POLRMT: variants seen among roughly 807,000 people sequenced by gnomAD.
POLRMT encodes the protein DNA-directed RNA polymerase, mitochondrial.
Under a neutral mutation model 132.2 loss-of-function variants are expected in POLRMT, and 114 were observed. The observed-to-expected ratio is 0.86, with a 90% CI of 0.74 to 1.01. POLRMT has a LOEUF of 1.01. Among genes scored for constraint, POLRMT ranks in the 50% least tolerant of loss-of-function variants. The pLI is 0.00. For synonymous variants in POLRMT, 1,020 were observed against 773.4 expected, an observed-to-expected ratio of 1.32 and a Z score of -5.29; for missense variants, 2,003 against 1,729.1, an observed-to-expected ratio of 1.16 and a Z score of -2.81.
At chr19:625,579 C>T (rs1370946263) in intron 3 of POLRMT, 2 of 257,302 alleles carry the variant, frequency 7.8e-6, no homozygotes, top group Non-Finnish European at 1.5e-5. Context: ...GCTGTTTCTG[C>T]CTTCCATTTC....
chr19:631,975 A>G (rs1213900331), intron 2 of POLRMT, among the ~76,000 whole-genome samples: 2 of 152,146 alleles, frequency 1.3e-5, no homozygotes, highest in East Asian at 1.9e-4. Flanking sequence ...GTGTTTCACC[A>G]TGTTGGCCAG....
At chr19:624,966 C>T in intron 4 of POLRMT, 61 bp from the exon 5 acceptor site, 1 of 1,552,152 alleles carries the variant, frequency 6.4e-7, no homozygotes, top group South Asian at 1.2e-5. Context: ...TCCACAGACC[C>T]CAGGGGAACC....
chr19:630,261 G>T, intron 2 of POLRMT, 93 bp from the exon 3 acceptor site: 1 of 1,435,636 alleles, frequency 7.0e-7, no homozygotes, highest in South Asian at 1.4e-5. Context: ...GGAGGTGCAG[G>T]TGGCTGAGCT....
At chr19:623,093 T>C (rs1014594931) in intron 6 of POLRMT, 108 bp from the exon 7 acceptor site, 6 of 1,345,100 alleles carry the variant, frequency 4.5e-6, no homozygotes, top group Non-Finnish European at 6.0e-6. Context: ...GCCCTCAAGG[T>C]CCCTGCTGTG....
chr19:626,401 G>A (rs918862952), intron 3 of POLRMT, among the ~76,000 whole-genome samples: 26 of 151,392 alleles, frequency 1.7e-4, no homozygotes, highest in South Asian at 4.2e-4. Context: ...GGATCCACCC[G>A]CCTCGGCCTC....
At chr19:619,814 A>G (rs780427879) in intron 12 of POLRMT, 49 bp from the exon 13 acceptor site, 2 of 1,550,152 alleles carry the variant, frequency 1.3e-6, no homozygotes, top group African/African-American at 1.4e-5. Flanking sequence ...CTAGCAGCCC[A>G]GGGGCCACCA....
At chr19:626,897 A>ACACACACACACACACACG (rs1055687543) in intron 3 of POLRMT, among the ~76,000 whole-genome samples, 1 of 142,798 alleles carries the variant, frequency 7.0e-6, no homozygotes, top group African/African-American at 2.6e-5. Context: ...ACACACACAC[A>ACACACACACACACACACG]CATATATATA....
Position 621,169 on chromosome 19 carries a change from G to A in POLRMT, c.2529C>T (p.Ile843=). ...LGPHGLDWLK[I]HLVNLTGLKK... is the part of the protein sequence containing the mutation. ...TCAACCCCGTGAGATTGACCAGGTG[G>A]ATCTTGAGCCAATCCAGGCCGTGCG... The change falls in exon 10 of 21, where the codon ATC becomes ATT. Residue 843 remains isoleucine (I), a synonymous_variant. Transcript: ENST00000588649. 1 of 1,610,884 alleles carries A rather than the reference G, an allele frequency of 6.2e-7. No homozygotes were observed. The highest frequency in any genetic ancestry group is 8.5e-7 in the Non-Finnish European group (1 of 1,178,674).
At chr19:630,739 C>A (rs147846610) in intron 2 of POLRMT, among the ~76,000 whole-genome samples, 1 of 152,328 alleles carries the variant, frequency 6.6e-6, no homozygotes, top group South Asian at 2.1e-4. Context: ...AGTGTCTACA[C>A]CGGTGGACGC....
intron 10 of POLRMT, 105 bp from the exon 11 acceptor site, chr19:620,592 C>T: frequency 2.2e-6 from 3 of 1,355,310 alleles, no homozygotes; most frequent in Non-Finnish European, 2.0e-6. Flanking sequence ...GACGCACACC[C>T]GTGATAGTGA....
At position 621,352 on chromosome 19, in the gene POLRMT, G is replaced by A. The variant is rs1196626033; in HGVS notation, c.2346C>T (p.Arg782=). 7 of 1,578,184 alleles carry A rather than the reference G, an allele frequency of 4.4e-6. No homozygotes were observed. Among genetic ancestry groups the A allele is most frequent in the Non-Finnish European group, 6.0e-6 (7 of 1,170,402 alleles). The stretch of plus-strand genomic sequence containing the variant: ...CCCGCAGGTGCTGCGCCAGCGAGAG[G>A]CGGTACAGCGCCTCCGCCCGCAGGC... ...MHSLRAEALY[R]LSLAQHLRDR... Residue 782 remains arginine, a synonymous_variant, in exon 10 of 21, where the codon CGC becomes CGT. Coordinates refer to ENST00000588649, the MANE Select transcript of POLRMT (RefSeq NM_005035.4).
rs766864045 is a variant in POLRMT at position 622,312 on chromosome 19, C to T, written c.1688G>A (p.Arg563Gln). The T allele has an allele frequency of 1.3e-6, 2 of 1,564,572 alleles. No homozygotes were observed. The highest frequency in any genetic ancestry group is 1.2e-5 in the South Asian group (1 of 85,584). ...CACTGGCAGGGGCCAGGGCTGCTCCCGCAGGGCCTCGGGCGCCCCCAGCTC... is the reference window on the plus strand; with the variant it reads ...CACTGGCAGGGGCCAGGGCTGCTCCTGCAGGGCCTCGGGCGCCCCCAGCTC... Reference protein sequence around the residue: ...WEELGAPEALREQPWPLPVQM... With the variant: ...WEELGAPEALQEQPWPLPVQM... Residue 563 changes from arginine to glutamine, a missense_variant, in exon 9 of 21, where the codon CGG becomes CAG. Arg to Gln is a conservative substitution (Grantham distance 43). Coordinates refer to ENST00000588649, the MANE Select transcript of POLRMT (RefSeq NM_005035.4).
chr19:632,067 C>T (rs546794264), intron 2 of POLRMT, among the ~76,000 whole-genome samples: 3 of 149,544 alleles, frequency 2.0e-5, no homozygotes, highest in African/African-American at 7.3e-5. Context: ...GCCACCGCAC[C>T]AGGCCTCGGA....
chr19:627,573 G>A (rs1364430819), intron 3 of POLRMT, among the ~76,000 whole-genome samples: 2 of 152,256 alleles, frequency 1.3e-5, no homozygotes, highest in African/African-American at 4.8e-5. Flanking sequence ...AGCACACACA[G>A]CTGTTGGCAG....
chr19:631,145 C>G (rs1985383894), intron 2 of POLRMT, among the ~76,000 whole-genome samples: 1 of 149,690 alleles, frequency 6.7e-6, no homozygotes, highest in Non-Finnish European at 1.5e-5. Flanking sequence ...GGCAACAGAA[C>G]AATAATCCAT....
intron 2 of POLRMT, 70 bp downstream of exon 2, chr19:632,764 C>T: frequency 1.5e-6 from 2 of 1,336,152 alleles, no homozygotes; most frequent in Non-Finnish European, 2.0e-6. Flanking sequence ...AGAATCTGAG[C>T]CTTTGCCTTT....
At position 619,310 on chromosome 19, in the gene POLRMT, G is replaced by A; in HGVS notation, c.3067-14C>T. ...CCACACGAACTCCTGCAGAGGGCGG[G>A]CAGCAGGTGCAGGTCCTCAGGGGCT... On this transcript the variant is annotated splice_polypyrimidine_tract_variant and intron_variant, in intron 13 of 20. Transcript: ENST00000588649. 6.2e-7 allele frequency: 1 copy of A among 1,607,998 alleles called. No individual in the cohort carries two copies. Among genetic ancestry groups the A allele is most frequent in the African/African-American group, 1.3e-5 (1 of 74,506 alleles).
chr19:626,913 A>ATG (rs1985064818), intron 3 of POLRMT, among the ~76,000 whole-genome samples: 1 of 150,134 alleles, frequency 6.7e-6, no homozygotes, highest in Admixed American at 6.6e-5. Flanking sequence ...ATATATATAT[A>ATG]TAAAATAACA....
Position 625,107 on chromosome 19 carries a change from C to A in POLRMT, c.953+17G>T. ...AGGGACATGGTGGGGGGTGGGGGCC[C>A]TCCCGACACCACCTACCTTTCGATG... On this transcript the variant is annotated intron_variant, in intron 4 of 20. Coordinates refer to ENST00000588649, the MANE Select transcript of POLRMT (RefSeq NM_005035.4). 6.2e-7 allele frequency: 1 copy of A among 1,608,248 alleles called. No homozygotes were observed. Among genetic ancestry groups the A allele is most frequent in the Non-Finnish European group, 8.5e-7 (1 of 1,177,584 alleles).
Sources: gnomAD v4.1 joint callset for allele counts (sites outside exome capture counted in the v4.1 genomes callset) on GRCh38, gnomAD v4.1.1 for gene constraint, MANE v1.5 for transcripts, NCBI Gene and HGNC (gene_info 2026-07-23, HGNC 2026-07-21) for gene names.